Variants in FAM200C observed in about 807,000 individuals in gnomAD.
the FAM200C span, chr5:160,394,279 C>CTT: frequency 6.2e-7 from 1 of 1,613,616 alleles, no homozygotes; most frequent in South Asian, 1.1e-5. Flanking sequence ...AAGCAGATAA[C>CTT]TTCTCTCTAG....
chr5:160,394,829 T>C, the FAM200C span: 36 of 1,613,710 alleles, frequency 2.2e-5, no homozygotes, highest in Middle Eastern at 4.9e-4. Flanking sequence ...TCTGAAGAGA[T>C]TGAACACATC....
the FAM200C span, among the ~76,000 whole-genome samples, chr5:160,398,948 T>C: frequency 2.1e-3 from 327 of 152,316 alleles, 2 homozygotes; most frequent in South Asian, 0.026. Flanking sequence ...ACAAGTGAAA[T>C]AAGATGTCTG....
At chr5:160,397,122 A>G in the FAM200C span, among the ~76,000 whole-genome samples, 1 of 152,224 alleles carries the variant, frequency 6.6e-6, no homozygotes, top group Non-Finnish European at 1.5e-5. Context: ...CTACCTTAGA[A>G]CTAATACATA....
chr5:160,395,020 G>C, the FAM200C span: 1 of 1,613,868 alleles, frequency 6.2e-7, no homozygotes, highest in Non-Finnish European at 8.5e-7. Flanking sequence ...CTTGCTGTAA[G>C]ATATCCTGGC....
At chr5:160,394,628 C>G in the FAM200C span, 1 of 1,614,004 alleles carries the variant, frequency 6.2e-7, no homozygotes, top group Non-Finnish European at 8.5e-7. Context: ...CAGAGCATCC[C>G]TCAGTTTTGT....
the FAM200C span, chr5:160,395,173 C>T: frequency 1.2e-6 from 2 of 1,613,718 alleles, no homozygotes; most frequent in East Asian, 2.2e-5. Context: ...TATGAGGATT[C>T]TTCTCCTTGG....
At chr5:160,397,755 T>C in the FAM200C span, among the ~76,000 whole-genome samples, 1 of 152,244 alleles carries the variant, frequency 6.6e-6, no homozygotes, top group Non-Finnish European at 1.5e-5. Context: ...AAAGAGCTGA[T>C]CTTAAGACTT....
At chr5:160,394,401 C>G in the FAM200C span, 1 of 1,613,238 alleles carries the variant, frequency 6.2e-7, no homozygotes, top group East Asian at 2.2e-5. Context: ...TTTTCAAAGC[C>G]ATCAACTAAA....
At chr5:160,396,535 G>T in the FAM200C span, among the ~76,000 whole-genome samples, 1 of 151,914 alleles carries the variant, frequency 6.6e-6, no homozygotes, top group African/African-American at 2.4e-5. Context: ...TGGACTGCCT[G>T]AGCTCAGGAG....
chr5:160,394,831 G>T, the FAM200C span: 1 of 1,613,712 alleles, frequency 6.2e-7, no homozygotes, highest in Non-Finnish European at 8.5e-7. Flanking sequence ...TGAAGAGATT[G>T]AACACATCTA....
chr5:160,399,502 T>A, the FAM200C span: 46 of 152,226 alleles, frequency 3.0e-4, no homozygotes, highest in Admixed American at 2.3e-3. Context: ...TTAAAATCAA[T>A]AGCCAGGAGA....
the FAM200C span, among the ~76,000 whole-genome samples, chr5:160,396,698 GA>G: frequency 0.012 from 571 of 48,394 alleles, no homozygotes; most frequent in African/African-American, 0.023. Context: ...AGTCTCTGTG[GA>G]AAAAAAAAAA....
the FAM200C span, chr5:160,394,844 C>A: frequency 6.2e-7 from 1 of 1,613,554 alleles, no homozygotes; most frequent in African/African-American, 1.3e-5. Flanking sequence ...CACATCTATT[C>A]CTTTCATGGA....
the FAM200C span, chr5:160,393,373 T>C: frequency 4.7e-6 from 1 of 212,090 alleles, no homozygotes; most frequent in Non-Finnish European, 9.2e-6. Context: ...TTCTGGGATA[T>C]CTTCTCTTTT....
the FAM200C span, among the ~76,000 whole-genome samples, chr5:160,397,834 TTA>T: frequency 2.0e-5 from 3 of 152,222 alleles, no homozygotes; most frequent in East Asian, 5.8e-4. Flanking sequence ...GACGATAAAA[TTA>T]TGACATTACC....
chr5:160,399,653 A>G, the FAM200C span: 5 of 150,628 alleles, frequency 3.3e-5, no homozygotes, highest in African/African-American at 1.2e-4. Flanking sequence ...CAGGGTTGTT[A>G]GGAGATTTAA....
the FAM200C span, chr5:160,395,519 C>T: frequency 1.3e-6 from 2 of 1,572,554 alleles, no homozygotes; most frequent in Non-Finnish European, 1.7e-6. Flanking sequence ...GGTAGTATTC[C>T]AGAGATGCCA....
chr5:160,395,098 A>G, the FAM200C span: 1 of 1,614,022 alleles, frequency 6.2e-7, no homozygotes, highest in South Asian at 1.1e-5. Context: ...TTTTTTGTGC[A>G]TCTGGTCCCA....
At chr5:160,397,516 C>T in the FAM200C span, 2 of 152,134 alleles carry the variant, frequency 1.3e-5, no homozygotes. Flanking sequence ...GAGAATGTGG[C>T]TGAAATAAAG....
Sources: allele counts gnomAD v4.1 joint callset (sites outside exome capture counted in the v4.1 genomes callset), GRCh38; gene constraint gnomAD v4.1.1; transcripts MANE v1.5.